NTRK2: variants seen among roughly 807,000 people sequenced by gnomAD.
NTRK2 encodes neurotrophic receptor tyrosine kinase 2.
A neutral mutation model predicts 94.5 loss-of-function variants in NTRK2; 13 were observed. The ratio of observed to expected loss-of-function variants is 0.14; its 90% CI spans 0.09 to 0.22. The LOEUF (loss-of-function observed/expected upper bound fraction) is 0.22. Ranked by LOEUF, NTRK2 falls within the 10% of genes least tolerant of loss-of-function variation. The pLI is 1.00. For missense variants in NTRK2, 639 were observed against 1,071.2 expected (o/e 0.60, Z 5.63); for synonymous variants, 372 against 407.4 (o/e 0.91, Z 1.05).
chr9:84,723,353 G>C (rs2062206337), intron 6 of NTRK2, among the ~76,000 whole-genome samples: 1 of 152,166 alleles, frequency 6.6e-6, no homozygotes, highest in Non-Finnish European at 1.5e-5. Flanking sequence ...TTTAAGTAAT[G>C]TGCATAATTT....
chr9:84,857,910 A>G (rs2075143973), intron 12 of NTRK2, among the ~76,000 whole-genome samples: 1 of 151,968 alleles, frequency 6.6e-6, no homozygotes, highest in African/African-American at 2.4e-5. Context: ...GTTGCCTTCC[A>G]TTTTCTTCAC....
At chr9:84,692,143 G>A (rs2060084434) in intron 2 of NTRK2, among the ~76,000 whole-genome samples, 1 of 151,902 alleles carries the variant, frequency 6.6e-6, no homozygotes, top group African/African-American at 2.4e-5. Context: ...TCTTCCCATC[G>A]GCTGTCGTGG....
At chr9:84,872,633 A>C (rs2075908125) in intron 14 of NTRK2, 1 of 1,063,646 alleles carries the variant, frequency 9.4e-7, no homozygotes, top group Non-Finnish European at 1.1e-6. Context: ...TTCCATTTCC[A>C]ATGAAATGGA....
intron 17 of NTRK2, among the ~76,000 whole-genome samples, chr9:84,978,900 C>A (rs1827240704): frequency 6.6e-6 from 1 of 152,192 alleles, no homozygotes; most frequent in African/African-American, 2.4e-5. Context: ...AATGGAACAA[C>A]AAAGCCTGGA....
chr9:85,002,335 G>A (rs1418221958), intron 17 of NTRK2, among the ~76,000 whole-genome samples: 2 of 152,194 alleles, frequency 1.3e-5, no homozygotes, highest in African/African-American at 2.4e-5. Flanking sequence ...ATCATGAAAT[G>A]CCTGGCCCAT....
intron 17 of NTRK2, among the ~76,000 whole-genome samples, chr9:84,955,936 T>G (rs1010864458): frequency 6.6e-6 from 1 of 152,138 alleles, no homozygotes; most frequent in African/African-American, 2.4e-5. Flanking sequence ...ACGTATAAAT[T>G]TTGGGGGGAC....
At chr9:84,866,195 T>C (rs1040337575) in intron 13 of NTRK2, among the ~76,000 whole-genome samples, 2 of 152,234 alleles carry the variant, frequency 1.3e-5, no homozygotes, top group Non-Finnish European at 2.9e-5. Flanking sequence ...GTGGTGCAGA[T>C]ACTCACAGAA....
At chr9:84,971,284 C>T (rs1319086481) in intron 17 of NTRK2, among the ~76,000 whole-genome samples, 4 of 152,200 alleles carry the variant, frequency 2.6e-5, no homozygotes, top group Admixed American at 2.0e-4. Flanking sequence ...AAAATAGACA[C>T]ATCTTAGCCT....
At chr9:84,918,682 T>G (rs2077469950) in intron 14 of NTRK2, among the ~76,000 whole-genome samples, 1 of 152,218 alleles carries the variant, frequency 6.6e-6, no homozygotes, top group Admixed American at 6.5e-5. Flanking sequence ...AAAATATGAT[T>G]GAGAAAGCTA....
At chr9:84,819,913 A>G (rs978308231) in intron 12 of NTRK2, among the ~76,000 whole-genome samples, 1 of 151,986 alleles carries the variant, frequency 6.6e-6, no homozygotes, top group African/African-American at 2.4e-5. Flanking sequence ...CTTCATTTGA[A>G]CCATATGGGG....
intron 17 of NTRK2, among the ~76,000 whole-genome samples, chr9:84,966,144 G>T (rs12338909): frequency 0.11 from 16,629 of 152,134 alleles, 1,173 homozygotes; most frequent in East Asian, 0.33. Flanking sequence ...ACATAAAATA[G>T]CTTGTGATAT....
In NTRK2 at chr9:84,743,150, G is replaced by A. The variant is rs370279602; in HGVS notation, c.1195+1223G>A. On this transcript the variant is annotated intron_variant, in intron 10 of 18. Coordinates refer to ENST00000277120, the MANE Select transcript of NTRK2 (RefSeq NM_006180.6). ...GCATCTCTCCTTTGCTGTTTTGATC[G>A]AATGCCAAGGATGTTTTCCTAGGTG... Among the ~76,000 whole-genome samples, 5 of 152,004 alleles carry A rather than the reference G, an allele frequency of 3.3e-5. No individual in the cohort carries two copies. In the East Asian group the frequency reaches 5.8e-4, roughly 18 times the overall value.
chr9:84,973,595 C>T (rs952146258), intron 17 of NTRK2, among the ~76,000 whole-genome samples: 5 of 152,292 alleles, frequency 3.3e-5, no homozygotes, highest in Admixed American at 1.3e-4. Context: ...AGATCAACCA[C>T]CTGTGGTTAC....
intron 13 of NTRK2, among the ~76,000 whole-genome samples, chr9:84,865,154 T>C (rs564250972): frequency 6.6e-6 from 1 of 152,310 alleles, no homozygotes; most frequent in South Asian, 2.1e-4. Flanking sequence ...TTTGTAGTTA[T>C]TCTTGGCAGG....
intron 12 of NTRK2, among the ~76,000 whole-genome samples, chr9:84,757,466 C>G (rs1380704313): frequency 1.3e-5 from 2 of 152,182 alleles, no homozygotes; most frequent in Non-Finnish European, 2.9e-5. Flanking sequence ...CAGTACCTAG[C>G]TATCTACTAC....
chr9:84,786,288 G>A (rs1019941011), intron 12 of NTRK2, among the ~76,000 whole-genome samples: 13 of 152,156 alleles, frequency 8.5e-5, no homozygotes, highest in Non-Finnish European at 1.9e-4. Flanking sequence ...CACTTTGCAT[G>A]CATTATCCCA....
chr9:84,861,197 T>A, intron 13 of NTRK2, 110 bp downstream of exon 13: 1 of 875,222 alleles, frequency 1.1e-6, no homozygotes. Context: ...TCATTTTCTG[T>A]GTTCCTGGTT....
chr9:84,739,079 C>T (rs1283214141), intron 9 of NTRK2, among the ~76,000 whole-genome samples: 1 of 152,134 alleles, frequency 6.6e-6, no homozygotes, highest in Non-Finnish European at 1.5e-5. Flanking sequence ...GAGTCAGAAT[C>T]TCACTTTGTT....
At chr9:84,965,190 G>C (rs920225092) in intron 17 of NTRK2, among the ~76,000 whole-genome samples, 1 of 152,208 alleles carries the variant, frequency 6.6e-6, no homozygotes, top group African/African-American at 2.4e-5. Context: ...TATTAGTAAT[G>C]CTACCCACTT....
Sources: allele counts gnomAD v4.1 joint callset (sites outside exome capture counted in the v4.1 genomes callset), GRCh38; gene constraint gnomAD v4.1.1; transcripts MANE v1.5; gene names NCBI Gene and HGNC (gene_info 2026-07-23, HGNC 2026-07-21).